The following GFM1 variants were observed in gnomAD, a reference collection of about 807,000 sequenced individuals.
The protein encoded by GFM1 is elongation factor G, mitochondrial.
GFM1 carries 62 observed loss-of-function variants against 96.2 expected under a neutral mutation model. That is an observed-to-expected ratio of 0.64 (90% CI 0.53 to 0.80). The LOEUF is 0.80. GFM1 is among the 30% of genes least tolerant of loss of function. The pLI, the probability that GFM1 is intolerant of heterozygous loss-of-function variation, is 0.00. For missense variants in GFM1, 852 were observed against 916.6 expected (o/e 0.93, Z 0.91); for synonymous variants, 282 against 312.9 (o/e 0.90, Z 1.04).
chr3:158,684,737 A>G, intron 15 of GFM1, 69 bp downstream of exon 15: 1 of 1,539,212 alleles, frequency 6.5e-7, no homozygotes, highest in Non-Finnish European at 9.0e-7. Flanking sequence ...AGAAGGCAAC[A>G]CTGTTTTCAG....
rs1041838584 is a variant in GFM1 at position 158,691,587 on chromosome 3, C to T, written c.*120C>T. 5.5e-6 allele frequency: 6 copies of T among 1,095,060 alleles called. No individual in the cohort carries two copies. The highest frequency in any genetic ancestry group is 1.9e-5 in the Admixed American group (1 of 53,280). 67.8% of individuals were successfully genotyped at this position (1,095,060 alleles called of 1,614,324 possible). Reference sequence around the variant, plus strand: ...AGAAATTCTGAGCCCAGGAAGCGGGCTCTTCTTTCTTCAAAAGAAGCCCTT... The same window carrying T: ...AGAAATTCTGAGCCCAGGAAGCGGGTTCTTCTTTCTTCAAAAGAAGCCCTT... On this transcript the variant is annotated 3_prime_UTR_variant, in exon 18 of 18. Coordinates refer to ENST00000486715, the MANE Select transcript of GFM1 (RefSeq NM_024996.7).
intron 11 of GFM1, among the ~76,000 whole-genome samples, chr3:158,664,933 T>C (rs1269673654): frequency 1.3e-5 from 2 of 152,228 alleles, no homozygotes; most frequent in South Asian, 2.1e-4. Flanking sequence ...TTAAGTATCC[T>C]GCTTGGATCT....
intron 15 of GFM1, 72 bp downstream of exon 15, chr3:158,684,740 G>A: frequency 6.6e-7 from 1 of 1,513,968 alleles, no homozygotes; most frequent in Non-Finnish European, 9.2e-7. Context: ...AGGCAACACT[G>A]TTTTCAGTCT....
chr3:158,691,316 T>TCC lies in GFM1; in HGVS notation c.2125-19_2125-18insCC. On this transcript the variant is annotated intron_variant, in intron 17 of 17. Transcript: ENST00000486715. ...ACAAACAAACAAACAAAAAACCCTCTCTTTTTTTTAAATCCCTAGGGAAAG... is the reference window on the plus strand; with the variant it reads ...ACAAACAAACAAACAAAAAACCCTCTCCCTTTTTTTTAAATCCCTAGGGAAAG... 1 of 1,612,624 alleles carries TCC rather than the reference T, an allele frequency of 6.2e-7. No individual in the cohort carries two copies. The highest frequency in any genetic ancestry group is 8.5e-7 in the Non-Finnish European group (1 of 1,179,564).
intron 8 of GFM1, chr3:158,655,810 G>A (rs1576739484): frequency 2.2e-6 from 1 of 453,454 alleles, no homozygotes; most frequent in Non-Finnish European, 4.4e-6. Flanking sequence ...TTTAGTTTTT[G>A]TCTAGGTCCT....
chr3:158,653,263 A>T, intron 6 of GFM1, 47 bp from the exon 7 acceptor site: 1 of 1,486,454 alleles, frequency 6.7e-7, no homozygotes, highest in Non-Finnish European at 9.3e-7. Flanking sequence ...TTGAAGCACA[A>T]CATGTAATTT....
In GFM1 at chr3:158,662,613, T is replaced by TA. The variant is rs745838953; in HGVS notation, c.1324-9dup. On this transcript the variant is annotated splice_polypyrimidine_tract_variant and intron_variant, in intron 10 of 17. Transcript: ENST00000486715. Reference sequence around the variant, plus strand: ...GTTTTTTAATTCTTCTGTTTTCTTTTAAAAAATATTTTAGGAGTCAATTCA... The same window carrying TA: ...GTTTTTTAATTCTTCTGTTTTCTTTTAAAAAAATATTTTAGGAGTCAATTCA... 2.6e-6 allele frequency: 4 copies of TA among 1,536,036 alleles called. No individual in the cohort carries two copies. Among genetic ancestry groups the TA allele is most frequent in the Non-Finnish European group, 3.6e-6 (4 of 1,110,110 alleles).
Position 158,662,684 on chromosome 3 carries a change from G to T in GFM1, c.1380G>T (p.Lys460Asn). The T allele has an allele frequency of 6.3e-7, 1 of 1,580,182 alleles. No homozygotes were observed. Among genetic ancestry groups the T allele is most frequent in the South Asian group, 1.1e-5 (1 of 90,412 alleles). Reference sequence around the variant, plus strand: ...CAATAGCAATGAAGCCTTCTAACAAGGTAGGAGTTTGATTTAAAGCTCAGT... The same window carrying T: ...CAATAGCAATGAAGCCTTCTAACAATGTAGGAGTTTGATTTAAAGCTCAGT... ...VISIAMKPSN[K>N]NDLEKFSKGI... The change falls in exon 11 of 18, where the codon AAG becomes AAT. Residue 460 changes from lysine (K) to asparagine (N), a missense_variant and splice_region_variant. Transcript: ENST00000486715.
chr3:158,645,830 G>A (rs1576720854), intron 2 of GFM1, 49 bp downstream of exon 2: 2 of 1,448,308 alleles, frequency 1.4e-6, no homozygotes, highest in East Asian at 2.3e-5. Context: ...GATTTTAATT[G>A]TTTTGTTGCT....
chr3:158,668,285 A>G (rs1723910929), intron 13 of GFM1, among the ~76,000 whole-genome samples: 1 of 152,226 alleles, frequency 6.6e-6, no homozygotes, highest in Admixed American at 6.5e-5. Flanking sequence ...AATACCAAAT[A>G]CAATCTAAAT....
rs1298705114 is a variant in GFM1 at position 158,649,062 on chromosome 3, A to G, written c.594A>G (p.Ala198=). The G allele has an allele frequency of 3.9e-6, 6 of 1,531,020 alleles. No homozygotes were observed. Among genetic ancestry groups the G allele is most frequent in the Non-Finnish European group, 5.4e-6 (6 of 1,104,818 alleles). 94.8% of individuals were successfully genotyped at this position (1,531,020 alleles called of 1,614,324 possible). A position where few individuals can be genotyped will look rare whatever the true frequency, so the allele number is the denominator to read the frequency against. The change falls in exon 5 of 18, where the codon GCA becomes GCG. Residue 198 remains alanine (A), a synonymous_variant. Coordinates refer to ENST00000486715, the MANE Select transcript of GFM1 (RefSeq NM_024996.7). The part of the protein sequence containing the change: ...QQMRSKLNHN[A]AFMQIPMGLE... Reference sequence around the variant, plus strand: ...TCAGGTCTAAACTAAATCATAATGCAGCGTTTATGCAGATACCCATGGGTT... The same window carrying G: ...TCAGGTCTAAACTAAATCATAATGCGGCGTTTATGCAGATACCCATGGGTT...
chr3:158,681,116 A>C (rs888616103), intron 13 of GFM1, among the ~76,000 whole-genome samples: 1 of 152,214 alleles, frequency 6.6e-6, no homozygotes, highest in Non-Finnish European at 1.5e-5. Context: ...CCAGCTTAGA[A>C]CAGGCAAATA....
In GFM1 at chr3:158,653,397, T is replaced by C. The variant is rs1188969241; in HGVS notation, c.928T>C (p.Leu310=). 3 of 1,611,860 alleles carry C rather than the reference T, an allele frequency of 1.9e-6. No individual in the cohort carries two copies. Among genetic ancestry groups the C allele is most frequent in the African/African-American group, 1.3e-5 (1 of 74,874 alleles). ...ALKNKGVQPL[L]DAVLEYLPNP... The stretch of plus-strand genomic sequence containing the variant: ...GAAGAACAAAGGAGTTCAGCCTCTT[T>C]TAGATGCTGTTTTAGAATACCTCCC... The change falls in exon 7 of 18, where the codon TTA becomes CTA. Residue 310 remains leucine, a synonymous_variant. Coordinates refer to ENST00000486715, the MANE Select transcript of GFM1 (RefSeq NM_024996.7).
At position 158,665,404 on chromosome 3, in the gene GFM1, A is replaced by G; in HGVS notation, c.1448A>G (p.Tyr483Cys). Residue 483 changes from tyrosine (Y) to cysteine (C), a missense_variant, in exon 12 of 18, where the codon TAC becomes TGC. Tyr to Cys is a radical substitution (Grantham distance 194). Coordinates refer to ENST00000486715, the MANE Select transcript of GFM1 (RefSeq NM_024996.7). The stretch of plus-strand genomic sequence containing the variant: ...AGAGAAGATCCCACATTTAAAGTAT[A>G]CTTTGACACTGAGAACAAAGAGACA... ...FTREDPTFKVYFDTENKETVI... is the reference protein window; with the variant it reads ...FTREDPTFKVCFDTENKETVI... 1 of 1,609,066 alleles carries G rather than the reference A, an allele frequency of 6.2e-7. No individual in the cohort carries two copies. Among genetic ancestry groups the G allele is most frequent in the Non-Finnish European group, 8.5e-7 (1 of 1,175,882 alleles).
chr3:158,686,721 GTTTTTTTTTTTT>G (rs67517331), intron 15 of GFM1, among the ~76,000 whole-genome samples: 2 of 85,730 alleles, frequency 2.3e-5, no homozygotes, highest in Non-Finnish European at 4.1e-5. Context: ...TTGAATTGAG[GTTTTTTTTTTTT>G]TTTTTTTTTT....
In GFM1 at chr3:158,653,411, A is replaced by G; in HGVS notation, c.942A>G (p.Leu314=). ...KGVQPLLDAV[L]EYLPNPSEVQ... is the part of the protein sequence containing the mutation. ...TTCAGCCTCTTTTAGATGCTGTTTTAGAATACCTCCCAAATCCATCTGAAG... is the reference window on the plus strand; with the variant it reads ...TTCAGCCTCTTTTAGATGCTGTTTTGGAATACCTCCCAAATCCATCTGAAG... Residue 314 remains leucine, a synonymous_variant, in exon 7 of 18, where the codon TTA becomes TTG. Coordinates refer to ENST00000486715, the MANE Select transcript of GFM1 (RefSeq NM_024996.7). 1 of 1,613,296 alleles carries G rather than the reference A, an allele frequency of 6.2e-7. No individual in the cohort carries two copies. Among genetic ancestry groups the G allele is most frequent in the Non-Finnish European group, 8.5e-7 (1 of 1,179,290 alleles).
At chr3:158,673,508 C>CTTT (rs766011688) in intron 13 of GFM1, among the ~76,000 whole-genome samples, 18,921 of 112,894 alleles carry the variant, frequency 0.17, 1,513 homozygotes, top group African/African-American at 0.23. Context: ...CTTTTCTTTT[C>CTTT]TTTTTTTTTT....
chr3:158,667,501 T>G (rs1343615052), intron 13 of GFM1, among the ~76,000 whole-genome samples: 1 of 152,148 alleles, frequency 6.6e-6, no homozygotes, highest in Non-Finnish European at 1.5e-5. Context: ...AAACTGAAAA[T>G]AAGGCCGAGC....
chr3:158,646,713 T>G, intron 3 of GFM1, 30 bp from the exon 4 acceptor site: 1 of 1,583,104 alleles, frequency 6.3e-7, no homozygotes, highest in Non-Finnish European at 8.6e-7. Context: ...GATTGCTCTT[T>G]AAGACCCTCT....
Sources: allele counts gnomAD v4.1 joint callset (sites outside exome capture counted in the v4.1 genomes callset), GRCh38; gene constraint gnomAD v4.1.1; transcripts MANE v1.5; gene names NCBI Gene and HGNC (gene_info 2026-07-23, HGNC 2026-07-21).